The following DCDC2 variants were observed in gnomAD, a reference collection of about 807,000 sequenced individuals.
DCDC2 encodes doublecortin domain containing 2, also known as doublecortin domain-containing protein 2.
In DCDC2, 40 loss-of-function variants were observed where a neutral mutation model predicts 50.2. The ratio of observed to expected loss-of-function variants is 0.80; its 90% CI spans 0.62 to 1.04. The LOEUF is 1.04. Ranked by LOEUF, DCDC2 falls within the 50% of genes least tolerant of loss-of-function variation. The pLI is 0.00. For missense variants in DCDC2, 570 were observed against 581.9 expected, an observed-to-expected ratio of 0.98 and a Z score of 0.21; for synonymous variants, 234 against 210.6, an observed-to-expected ratio of 1.11 and a Z score of -0.96.
chr6:24,328,289 C>T (rs543981352), intron 2 of DCDC2, among the ~76,000 whole-genome samples: 3 of 152,230 alleles, frequency 2.0e-5, no homozygotes, highest in East Asian at 1.9e-4. Context: ...TTTACATTTA[C>T]GATTATTAGA....
chr6:24,328,198 A>T (rs1342936512), intron 2 of DCDC2, among the ~76,000 whole-genome samples: 5 of 152,242 alleles, frequency 3.3e-5, no homozygotes. Context: ...TGCTCAGGTC[A>T]CAGAGTAATT....
At chr6:24,322,631 C>T (rs1285726160) in intron 2 of DCDC2, among the ~76,000 whole-genome samples, 1 of 152,020 alleles carries the variant, frequency 6.6e-6, no homozygotes, top group Non-Finnish European at 1.5e-5. Flanking sequence ...AAACTTGGTC[C>T]CCACAATCCT....
chr6:24,229,963 C>T (rs1762306011), intron 7 of DCDC2, among the ~76,000 whole-genome samples: 1 of 152,152 alleles, frequency 6.6e-6, no homozygotes, highest in Non-Finnish European at 1.5e-5. Flanking sequence ...ACCCAGCCTG[C>T]TCTTGGCCAC....
At chr6:24,346,294 G>A (rs1278429950) in intron 2 of DCDC2, among the ~76,000 whole-genome samples, 4 of 152,128 alleles carry the variant, frequency 2.6e-5, no homozygotes, top group African/African-American at 9.7e-5. Flanking sequence ...ACAGGAAGAG[G>A]GAAAAAAGAA....
chr6:24,191,225 A>T (rs1261077920), intron 8 of DCDC2, among the ~76,000 whole-genome samples: 1 of 152,224 alleles, frequency 6.6e-6, no homozygotes, highest in Admixed American at 6.5e-5. Flanking sequence ...TGGAAAAGCA[A>T]GACAAGAAGT....
intron 7 of DCDC2, among the ~76,000 whole-genome samples, chr6:24,265,873 C>T (rs1763109382): frequency 6.7e-6 from 1 of 149,366 alleles, no homozygotes; most frequent in Non-Finnish European, 1.5e-5. Context: ...AAACCCAATC[C>T]AAAATTAAAA....
At chr6:24,213,410 T>G (rs375300760) in intron 7 of DCDC2, among the ~76,000 whole-genome samples, 2 of 152,064 alleles carry the variant, frequency 1.3e-5, no homozygotes, top group East Asian at 1.9e-4. Context: ...GCAAAAAATG[T>G]GGGGAACAAG....
chr6:24,336,380 C>T (rs1760057743), intron 2 of DCDC2, among the ~76,000 whole-genome samples: 1 of 152,194 alleles, frequency 6.6e-6, no homozygotes, highest in Non-Finnish European at 1.5e-5. Flanking sequence ...ATTTTACTCT[C>T]TCTGTATCTC....
intron 7 of DCDC2, among the ~76,000 whole-genome samples, chr6:24,224,223 T>C (rs1398703335): frequency 1.3e-5 from 2 of 152,262 alleles, no homozygotes; most frequent in Non-Finnish European, 2.9e-5. Context: ...CATTAATTCA[T>C]TCATTCATCC....
intron 1 of DCDC2, 22 bp downstream of exon 1, chr6:24,357,436 G>GCCA (rs963778407): frequency 1.0e-5 from 16 of 1,576,326 alleles, no homozygotes; most frequent in Non-Finnish European, 1.4e-5. Flanking sequence ...AAATGGGTGG[G>GCCA]CGGTGGGGGA....
chr6:24,203,141 A>T (rs1377867522), intron 8 of DCDC2, among the ~76,000 whole-genome samples: 1 of 152,220 alleles, frequency 6.6e-6, no homozygotes, highest in Non-Finnish European at 1.5e-5. Flanking sequence ...ACTACTTTAA[A>T]GTTCATATGG....
chr6:24,338,774 T>A (rs1412135596), intron 2 of DCDC2, among the ~76,000 whole-genome samples: 1 of 152,152 alleles, frequency 6.6e-6, no homozygotes, highest in Non-Finnish European at 1.5e-5. Flanking sequence ...GCCTCCCAAG[T>A]AGCTGGGATT....
upstream of DCDC2, among the ~76,000 whole-genome samples, chr6:24,358,512 T>TAAAAAAAAAAAAAAAAAAAAAAA (rs966038766): frequency 2.6e-5 from 2 of 75,906 alleles, no homozygotes; most frequent in African/African-American, 1.2e-4. Context: ...TCTCTACAAT[T>TAAAAAAAAAAAAAAAAAAAAAAA]AAAAAAAAAA....
intron 2 of DCDC2, chr6:24,353,281 A>T (rs977615125): frequency 6.0e-6 from 3 of 499,886 alleles, no homozygotes; most frequent in Non-Finnish European, 8.1e-6. Context: ...CTCACTTGAC[A>T]GGGAACCTTC....
intron 8 of DCDC2, among the ~76,000 whole-genome samples, chr6:24,185,686 CAT>C (rs1235961629): frequency 0.015 from 1,301 of 87,874 alleles, 16 homozygotes; most frequent in African/African-American, 0.063. Flanking sequence ...CATCCATACA[CAT>C]ACACACACAC....
rs146953663 is a variant in DCDC2 at position 24,301,808 on chromosome 6, C to T, written c.464G>A (p.Arg155His). The change falls in exon 4 of 10, where the codon CGC becomes CAC. Residue 155 changes from arginine to histidine, a missense_variant. By Grantham distance (29) the Arg-to-His change is conservative. Coordinates refer to ENST00000378454, the MANE Select transcript of DCDC2 (RefSeq NM_016356.5). ...ANGDLINPASRLLIPRKTLNQ... is the reference protein window; with the variant it reads ...ANGDLINPASHLLIPRKTLNQ... ...CAAGGTTTTTCTGGGGATAAGGAGG[C>T]GAGAAGCTGGGTTTATGAGGTCTCC... 11 of 1,613,994 alleles carry T rather than the reference C, an allele frequency of 6.8e-6. No homozygotes were observed. Among genetic ancestry groups the T allele is most frequent in the African/African-American group, 1.3e-5 (1 of 74,884 alleles).
intron 6 of DCDC2, 69 bp from the exon 7 acceptor site, chr6:24,278,280 T>A: frequency 7.1e-7 from 1 of 1,403,948 alleles, no homozygotes. Flanking sequence ...AGTAAATACA[T>A]GTCATTAACT....
chr6:24,376,366 G>GA, the DCDC2 span, among the ~76,000 whole-genome samples: 5 of 152,156 alleles, frequency 3.3e-5, no homozygotes, highest in Non-Finnish European at 5.9e-5. Flanking sequence ...GGCTCCCTGG[G>GA]CCCCTGAGGA....
chr6:24,208,729 T>C (rs1761783087), intron 7 of DCDC2, among the ~76,000 whole-genome samples: 1 of 152,196 alleles, frequency 6.6e-6, no homozygotes, highest in Admixed American at 6.6e-5. Context: ...CTTACTTTAA[T>C]CAATTTCTTT....
Sources: gnomAD v4.1 joint callset for allele counts (sites outside exome capture counted in the v4.1 genomes callset) on GRCh38, gnomAD v4.1.1 for gene constraint, MANE v1.5 for transcripts, NCBI Gene and HGNC (gene_info 2026-07-23, HGNC 2026-07-21) for gene names.